Variants in ATP13A1 observed in about 807,000 individuals in gnomAD.
ATP13A1 encodes ATPase 13A1.
ATP13A1 carries 55 observed loss-of-function variants against 134.8 expected under a neutral mutation model. The ratio of observed to expected loss-of-function variants is 0.41; its 90% CI spans 0.33 to 0.51. The LOEUF (loss-of-function observed/expected upper bound fraction) is 0.51. ATP13A1 is among the 20% of genes least tolerant of loss of function. The probability of loss-of-function intolerance (pLI) is 0.29; values close to 1 mark genes in which losing one functional copy is unlikely to be tolerated. For missense variants in ATP13A1, 1,389 were observed against 1,652.8 expected (o/e 0.84, Z 2.77); for synonymous variants, 775 against 725.1 (o/e 1.07, Z -1.10).
rs2145008999 is a variant in ATP13A1, at chr19:19,655,355, G to A, written c.1495C>T (p.Leu499=). 1 of 1,614,004 alleles carries A rather than the reference G, an allele frequency of 6.2e-7. No individual in the cohort carries two copies. The highest frequency in any genetic ancestry group is 8.5e-7 in the Non-Finnish European group (1 of 1,179,886). Residue 499 remains leucine, a synonymous_variant, in exon 11 of 26, where the codon CTG becomes TTG. Transcript: ENST00000357324. The surrounding 1 kb of genome is among the most constrained non-coding windows in gnomAD (Gnocchi z 5.7). ...VPPELPIELS[L]AVNTSLIALA... ...GCGATGAGGGAGGTGTTGACGGCCA[G>A]GGACAGCTCGATGGGCAGCTCAGGA...
chr19:19,662,259 C>CGTTGAGCTCCTCCCCTGGGATAG, intron 1 of ATP13A1: 1 of 1,468,956 alleles, frequency 6.8e-7, no homozygotes, highest in Non-Finnish European at 9.0e-7. Flanking sequence ...AAAGCTACCA[C>CGTTGAGCTCCTCCCCTGGGATAG]GTTGAGCTCC....
chr19:19,645,369 G>A lies in ATP13A1; in HGVS notation c.*53C>T, dbSNP rs566217835. 4.8e-3 allele frequency: 7,414 copies of A among 1,540,696 alleles called. 30 individuals carry two copies. The highest frequency in any genetic ancestry group is 5.7e-3 in the Non-Finnish European group (6,470 of 1,137,886). On this transcript the variant is annotated 3_prime_UTR_variant, in exon 26 of 26. Transcript: ENST00000357324. The surrounding 1 kb of genome is among the most constrained non-coding windows in gnomAD (Gnocchi z 4.1). ...AGGGTTCCCTCCCGGGGCCCTGTTG[G>A]GGTTCCCGCCCAGCGGCAGCCAGGG...
chr19:19,652,850 C>A (rs567299618), intron 15 of ATP13A1, 130 bp from the exon 16 acceptor site: 2 of 1,309,048 alleles, frequency 1.5e-6, no homozygotes, highest in Non-Finnish European at 2.0e-6. Flanking sequence ...TGGGCACATG[C>A]GAGGGTTGGG....
intron 13 of ATP13A1, 99 bp from the exon 14 acceptor site, chr19:19,654,243 C>T: frequency 5.5e-6 from 7 of 1,278,940 alleles, no homozygotes; most frequent in Non-Finnish European, 7.5e-6. Flanking sequence ...CTCCTGCCTC[C>T]CCCAGGGCCT....
chr19:19,649,822 GT>G lies in ATP13A1; in HGVS notation c.2453del (p.His818ProfsTer35). 1 of 1,602,670 alleles carries G rather than the reference GT, an allele frequency of 6.2e-7. No individual in the cohort carries two copies. On this transcript the variant is annotated frameshift_variant, in exon 18 of 26. Transcript: ENST00000357324. LOFTEE classifies it high-confidence loss of function. ...ALCLTGDGLA[H>X]LQATDPQQLL... is the part of the protein sequence containing the mutation. ...GCTGCTGGGGGTCGGTGGCCTGCAG[GT>G]GGGCCAAGCCGTCGCCTGTGAGGCA...
chr19:19,648,304 G>A lies in ATP13A1; in HGVS notation c.2633-545C>T, dbSNP rs564618916. ...ACCGCACTCCAGCCTGGGCGACAGAGCGAGACAGTCTCAAAATAAAACAAA... is the reference window on the plus strand; with the variant it reads ...ACCGCACTCCAGCCTGGGCGACAGAACGAGACAGTCTCAAAATAAAACAAA... On this transcript the variant is annotated intron_variant, in intron 19 of 25. Coordinates refer to ENST00000357324, the MANE Select transcript of ATP13A1 (RefSeq NM_020410.3). Among the ~76,000 whole-genome samples the A allele has an allele frequency of 2.8e-4, 43 of 151,448 alleles. 1 individual carries two copies. The South Asian group carries it at 8.4e-3, about 30-fold the overall frequency.
intron 16 of ATP13A1, 123 bp from the exon 17 acceptor site, chr19:19,651,920 G>A: frequency 2.8e-6 from 2 of 726,408 alleles, no homozygotes; most frequent in East Asian, 5.8e-5. Context: ...CTCTAACCGA[G>A]ATGCTGAATG....
In ATP13A1 at chr19:19,650,072, A is replaced by AC. The variant is rs1305661019; in HGVS notation, c.2336-133dup. 9 of 794,972 alleles carry AC rather than the reference A, an allele frequency of 1.1e-5. No individual in the cohort carries two copies. In the East Asian group the frequency reaches 2.2e-4, roughly 19 times the overall value. 49.2% of individuals were successfully genotyped at this position (794,972 alleles called of 1,614,324 possible). ...CCGCACCTCCCTACCCACCCAGGTG[A>AC]CCCCCAGCCCTTCTCTGGGGACTCC... On this transcript the variant is annotated intron_variant, in intron 17 of 25. Coordinates refer to ENST00000357324, the MANE Select transcript of ATP13A1 (RefSeq NM_020410.3).
intron 1 of ATP13A1, among the ~76,000 whole-genome samples, chr19:19,661,775 G>A (rs1050524274): frequency 6.6e-6 from 1 of 152,168 alleles, no homozygotes; most frequent in Non-Finnish European, 1.5e-5. Flanking sequence ...CATGGAGATG[G>A]GGGGAGCACA....
intron 22 of ATP13A1, 199 bp downstream of exon 22, chr19:19,646,930 G>A (rs1423734220): frequency 1.1e-5 from 7 of 612,264 alleles, no homozygotes; most frequent in South Asian, 6.2e-5. Context: ...AGGTGTGGAC[G>A]CCAAGCTGTA....
At position 19,663,653 on chromosome 19, in the gene ATP13A1, G is replaced by A. The variant is rs989389058; in HGVS notation, c.14C>T (p.Ala5Val). 2 of 1,287,360 alleles carry A rather than the reference G, an allele frequency of 1.6e-6. No homozygotes were observed. The highest frequency in any genetic ancestry group is 9.8e-7 in the Non-Finnish European group (1 of 1,019,716). 79.7% of individuals were successfully genotyped at this position (1,287,360 alleles called of 1,614,324 possible). Residue 5 changes from alanine (A) to valine (V), a missense_variant, in exon 1 of 26, where the codon GCG (alanine) becomes GTG (valine). This residue lies in a region of ATP13A1 where 293 missense variants were observed against 270.8 expected (regional missense o/e 1.08). Transcript: ENST00000357324. MAAA[A>V]AVGNAVPCGA... ...GCAGGGCACCGCGTTGCCCACCGCC[G>A]CCGCTGCCGCCATCTTTCCTAGCGC...
intron 16 of ATP13A1, 38 bp from the exon 17 acceptor site, chr19:19,651,835 T>A: frequency 6.6e-7 from 1 of 1,514,552 alleles, no homozygotes. Flanking sequence ...CATGGCACCC[T>A]GGGGCCAAGC....
intron 1 of ATP13A1, chr19:19,662,078 T>C: frequency 1.3e-6 from 2 of 1,576,226 alleles, no homozygotes; most frequent in Non-Finnish European, 1.7e-6. Context: ...GATCCACCTC[T>C]CCTGGCTGAT....
In ATP13A1 at chr19:19,655,166, C is replaced by T. The variant is rs1254244968; in HGVS notation, c.1608G>A (p.Gly536=). 2 of 1,613,888 alleles carry T rather than the reference C, an allele frequency of 1.2e-6. No homozygotes were observed. The highest frequency in any genetic ancestry group is 1.3e-5 in the African/African-American group (1 of 74,940). Residue 536 remains glycine (G), a synonymous_variant, in exon 12 of 26, where the codon GGG becomes GGA. Coordinates refer to ENST00000357324, the MANE Select transcript of ATP13A1 (RefSeq NM_020410.3). This position sits in a 1 kb window ranked among gnomAD's most constrained non-coding sequence, Gnocchi z 5.7. ...KVEVCCFDKT[G]TLTSDSLVVR... ...CCACCAGGCTGTCACTGGTCAACGT[C>T]CCCGTCTTGTCAAAGCAGCACACCT...
intron 19 of ATP13A1, among the ~76,000 whole-genome samples, chr19:19,648,305 C>T (rs976832268): frequency 6.6e-6 from 1 of 150,936 alleles, no homozygotes; most frequent in African/African-American, 2.4e-5. Context: ...GGCGACAGAG[C>T]GAGACAGTCT....
At chr19:19,646,831 C>T in intron 22 of ATP13A1, 1 of 467,694 alleles carries the variant, frequency 2.1e-6, no homozygotes, top group Non-Finnish European at 3.8e-6. Flanking sequence ...TAGCCTATGA[C>T]CCACTTAGTT....
chr19:19,662,261 T>A, intron 1 of ATP13A1: 6 of 1,469,512 alleles, frequency 4.1e-6, no homozygotes, highest in Non-Finnish European at 5.4e-6. Context: ...AGCTACCACG[T>A]TGAGCTCCTC....
At chr19:19,654,268 G>A (rs538345989) in intron 13 of ATP13A1, 124 bp from the exon 14 acceptor site, 1 of 1,119,174 alleles carries the variant, frequency 8.9e-7, no homozygotes, top group Non-Finnish European at 1.3e-6. Context: ...GGGGCTCTGG[G>A]CTAGAGCAGG....
chr19:19,657,369 C>A lies in ATP13A1; in HGVS notation c.717G>T (p.Lys239Asn). ...CAAAGAAGGGGGCTGTGGCTCTCTC[C>A]TTGAAAAGCTCCGAGAAGTCAGGCA... Reference protein sequence around the residue: ...MVVPDFSELFKERATAPFFVF... With the variant: ...MVVPDFSELFNERATAPFFVF... Residue 239 changes from lysine (K) to asparagine (N), a missense_variant, in exon 4 of 26, where the codon AAG becomes AAT. This residue lies in a region of ATP13A1 where 747 missense variants were observed against 956.1 expected (regional missense o/e 0.78). Coordinates refer to ENST00000357324, the MANE Select transcript of ATP13A1 (RefSeq NM_020410.3). The A allele has an allele frequency of 1.3e-6, 2 of 1,574,038 alleles. No individual in the cohort carries two copies. The highest frequency in any genetic ancestry group is 1.7e-6 in the Non-Finnish European group (2 of 1,159,326).
Sources: allele counts gnomAD v4.1 joint callset (sites outside exome capture counted in the v4.1 genomes callset), GRCh38; gene constraint gnomAD v4.1.1; regional missense constraint gnomAD v4.1.1; non-coding constraint Gnocchi (gnomAD v3.1); transcripts MANE v1.5; gene names NCBI Gene and HGNC (gene_info 2026-07-23, HGNC 2026-07-21).